Variants in PDZRN3 observed in about 807,000 individuals in gnomAD.
PDZRN3 encodes E3 ubiquitin-protein ligase PDZRN3.
A neutral mutation model predicts 85.7 loss-of-function variants in PDZRN3; 38 were observed. The observed-to-expected ratio is 0.44, with a 90% confidence interval of 0.34 to 0.58. The LOEUF (loss-of-function observed/expected upper bound fraction) is 0.58. Ranked by LOEUF, PDZRN3 falls within the 20% of genes least tolerant of loss-of-function variation. The pLI is 0.01. For synonymous variants in PDZRN3, 759 were observed against 638.0 expected (o/e 1.19, Z -2.86); for missense variants, 1,629 against 1,506.4 (o/e 1.08, Z -1.35).
At chr3:73,406,659 G>C (rs143821384) in intron 3 of PDZRN3, among the ~76,000 whole-genome samples, 114 of 152,208 alleles carry the variant, frequency 7.5e-4, no homozygotes, top group African/African-American at 2.7e-3. Context: ...TTTTCGAGTG[G>C]GTGCTACAAG....
chr3:73,402,845 G>C (rs1425225788), intron 4 of PDZRN3, among the ~76,000 whole-genome samples: 2 of 151,970 alleles, frequency 1.3e-5, no homozygotes, highest in African/African-American at 4.8e-5. Context: ...TCAATGATCT[G>C]ATCCGAGATG....
intron 3 of PDZRN3, among the ~76,000 whole-genome samples, chr3:73,517,382 G>A (rs1428534075): frequency 1.3e-5 from 2 of 152,176 alleles, no homozygotes; most frequent in Non-Finnish European, 2.9e-5. Flanking sequence ...TGCTGGTCAT[G>A]TTTCTATGTG....
chr3:73,503,887 GA>G (rs1704025065), intron 3 of PDZRN3, among the ~76,000 whole-genome samples: 1 of 152,184 alleles, frequency 6.6e-6, no homozygotes, highest in East Asian at 1.9e-4. Context: ...CAAGAGTGGG[GA>G]GGGGGAGAGC....
intron 3 of PDZRN3, among the ~76,000 whole-genome samples, chr3:73,594,853 T>C (rs1445657023): frequency 6.6e-6 from 1 of 152,220 alleles, no homozygotes; most frequent in Non-Finnish European, 1.5e-5. Flanking sequence ...GGAGATGTAC[T>C]GACTTATTGA....
chr3:73,562,978 G>T (rs1281336053), intron 3 of PDZRN3, among the ~76,000 whole-genome samples: 23 of 61,820 alleles, frequency 3.7e-4, no homozygotes, highest in Admixed American at 7.0e-4. Flanking sequence ...CTGCAAGTTG[G>T]CAAATTATAT....
intron 5 of PDZRN3, among the ~76,000 whole-genome samples, chr3:73,399,042 A>C (rs769319474): frequency 2.0e-5 from 3 of 152,190 alleles, no homozygotes; most frequent in Non-Finnish European, 1.5e-5. Context: ...TCCTGAAACC[A>C]TATGCAAGCT....
chr3:73,478,534 T>G (rs946877945), intron 3 of PDZRN3, among the ~76,000 whole-genome samples: 2 of 151,136 alleles, frequency 1.3e-5, no homozygotes, highest in East Asian at 1.9e-4. Context: ...TATATTACAA[T>G]GTAATAATAA....
At chr3:73,494,273 G>A (rs568839022) in intron 3 of PDZRN3, among the ~76,000 whole-genome samples, 1 of 152,246 alleles carries the variant, frequency 6.6e-6, no homozygotes, top group African/African-American at 2.4e-5. Context: ...AGAAGTAGAA[G>A]GCCATTTACA....
At chr3:73,484,846 T>A (rs543227241) in intron 3 of PDZRN3, among the ~76,000 whole-genome samples, 1 of 152,144 alleles carries the variant, frequency 6.6e-6, no homozygotes. Context: ...CGTTTGCATA[T>A]GAAAGTCCTA....
chr3:73,398,571 CAGGGTTCT>C (rs1576035305), intron 5 of PDZRN3, among the ~76,000 whole-genome samples: 1 of 152,206 alleles, frequency 6.6e-6, no homozygotes, highest in East Asian at 1.9e-4. Flanking sequence ...CTTTGAACAA[CAGGGTTCT>C]AGGGAACAGT....
chr3:73,469,868 C>A (rs1442597746), intron 3 of PDZRN3, among the ~76,000 whole-genome samples: 1 of 152,320 alleles, frequency 6.6e-6, no homozygotes, highest in East Asian at 1.9e-4. Flanking sequence ...TAGCTTAAGG[C>A]AGAGTTTCTC....
At chr3:73,407,600 A>T (rs998394396) in intron 3 of PDZRN3, among the ~76,000 whole-genome samples, 6 of 152,208 alleles carry the variant, frequency 3.9e-5, no homozygotes, top group African/African-American at 1.4e-4. Context: ...TGGGTAAAAT[A>T]ATTAGTGAAA....
At chr3:73,600,337 A>ACACTCTCT (rs34405662) in intron 3 of PDZRN3, among the ~76,000 whole-genome samples, 12,057 of 100,106 alleles carry the variant, frequency 0.12, 911 homozygotes, top group Non-Finnish European at 0.15. Context: ...ACACACACAC[A>ACACTCTCT]CTCTCTCTCT....
chr3:73,600,343 T>A (rs998054312), intron 3 of PDZRN3, among the ~76,000 whole-genome samples: 60 of 134,142 alleles, frequency 4.5e-4, no homozygotes, highest in South Asian at 4.4e-3. Flanking sequence ...ACACACTCTC[T>A]CTCTCTCTCT....
At chr3:73,390,607 T>C (rs559632896) in intron 6 of PDZRN3, among the ~76,000 whole-genome samples, 2 of 150,910 alleles carry the variant, frequency 1.3e-5, no homozygotes, top group East Asian at 2.0e-4. Flanking sequence ...TGAAGTCAAC[T>C]ATATATACTC....
At chr3:73,615,340 A>C (rs908433849) in intron 1 of PDZRN3, among the ~76,000 whole-genome samples, 1 of 152,216 alleles carries the variant, frequency 6.6e-6, no homozygotes, top group South Asian at 2.1e-4. Context: ...TCTGGTGAAC[A>C]ACCACAAGCA....
At chr3:73,443,462 G>A (rs905365760) in intron 3 of PDZRN3, among the ~76,000 whole-genome samples, 2 of 139,018 alleles carry the variant, frequency 1.4e-5, no homozygotes, top group Admixed American at 7.1e-5. Context: ...CTATTAACTT[G>A]ATTTATTTTC....
At chr3:73,558,293 T>A (rs1212075539) in intron 3 of PDZRN3, among the ~76,000 whole-genome samples, 1 of 151,752 alleles carries the variant, frequency 6.6e-6, no homozygotes, top group African/African-American at 2.4e-5. Flanking sequence ...AAGTACTAAA[T>A]ATGAATCTTA....
chr3:73,386,432 G>C (rs1224426670), intron 8 of PDZRN3, among the ~76,000 whole-genome samples: 1 of 151,912 alleles, frequency 6.6e-6, no homozygotes, highest in Non-Finnish European at 1.5e-5. Context: ...GACCTCAAGT[G>C]AACCTCCTGC....
Sources: allele counts gnomAD v4.1 joint callset (sites outside exome capture counted in the v4.1 genomes callset), GRCh38; gene constraint gnomAD v4.1.1; transcripts MANE v1.5; gene names NCBI Gene and HGNC (gene_info 2026-07-23, HGNC 2026-07-21).